The following USP16 variants were observed in gnomAD, a reference collection of about 807,000 sequenced individuals.
USP16 encodes ubiquitin carboxyl-terminal hydrolase 16.
Under a neutral mutation model 95.9 loss-of-function variants are expected in USP16, and 77 were observed. The observed-to-expected ratio is 0.80, with a 90% CI of 0.67 to 0.97. The LOEUF (loss-of-function observed/expected upper bound fraction) is 0.97, where lower values mean the gene tolerates loss of function less well. Among genes scored for constraint, USP16 ranks in the 50% least tolerant of loss-of-function variants. The pLI is 0.00. For missense variants in USP16, 943 were observed against 959.9 expected (o/e 0.98, Z 0.23); for synonymous variants, 303 against 318.2 (o/e 0.95, Z 0.51).
rs576860636 is a variant in USP16 at position 29,039,678 on chromosome 21, A to C, written c.951+110A>C. The C allele has an allele frequency of 1.2e-5, 13 of 1,101,490 alleles. No homozygotes were observed. The African/African-American group carries it at 1.9e-4, about 16-fold the overall frequency. The allele number at this position is 1,101,490 out of a possible 1,614,324, so 68.2% of individuals were successfully genotyped here. On this transcript the variant is annotated intron_variant, in intron 9 of 17. Coordinates refer to ENST00000399976, the MANE Select transcript of USP16 (RefSeq NM_006447.3). ...GAAAGCTAGTTATTAAGGCCATCAT[A>C]CTTTAAAATTTTTTCTTACACCAGC... is the stretch of plus-strand genomic sequence containing the variant.
At chr21:29,043,118 A>T (rs1022150487) in intron 12 of USP16, 2 of 179,542 alleles carry the variant, frequency 1.1e-5, no homozygotes, top group African/African-American at 4.7e-5. Context: ...TAGAAAATGT[A>T]TTTGGAAATG....
intron 3 of USP16, among the ~76,000 whole-genome samples, chr21:29,033,394 A>C (rs1296947585): frequency 6.6e-6 from 1 of 152,260 alleles, no homozygotes; most frequent in Non-Finnish European, 1.5e-5. Flanking sequence ...ATAGTTAAGG[A>C]ATTAGAAATT....
intron 1 of USP16, chr21:29,025,012 C>T (rs914040246): frequency 6.1e-6 from 2 of 326,880 alleles, no homozygotes; most frequent in Non-Finnish European, 1.1e-5. Flanking sequence ...CCCAGAGGTT[C>T]CCCCGTGGGA....
intron 4 of USP16, 149 bp downstream of exon 4, chr21:29,035,089 T>A: frequency 1.4e-6 from 1 of 697,886 alleles, no homozygotes; most frequent in Non-Finnish European, 2.3e-6. Flanking sequence ...AAGAATGCAG[T>A]ATTATGAGAA....
rs192133835 is a variant in USP16, at chr21:29,029,025, C to T, written c.61+1051C>T. On this transcript the variant is annotated intron_variant, in intron 2 of 17. Transcript: ENST00000399976. ...GAAATGTTTTACTAATTTCCAGGCC[C>T]CCTATTAGCGTAGTAAAGTGCCCAT... is the stretch of plus-strand genomic sequence containing the variant. 8.5e-5 allele frequency among the ~76,000 whole-genome samples: 13 copies of T among 152,316 alleles called. No individual in the cohort carries two copies. The East Asian group carries it at 2.5e-3, about 29-fold the overall frequency.
At chr21:29,047,344 A>G in intron 14 of USP16, 23 bp downstream of exon 14, 3 of 1,578,196 alleles carry the variant, frequency 1.9e-6, no homozygotes, top group Non-Finnish European at 2.6e-6. Flanking sequence ...TCTCACTGTA[A>G]GTAAAATTAA....
At chr21:29,035,506 T>C (rs892062448) in intron 4 of USP16, among the ~76,000 whole-genome samples, 1 of 151,434 alleles carries the variant, frequency 6.6e-6, no homozygotes, top group Non-Finnish European at 1.5e-5. Flanking sequence ...CCCGAGTAGC[T>C]GAGATTACAG....
chr21:29,053,984 A>G (rs767301772), intron 17 of USP16, 26 bp downstream of exon 17: 2 of 1,613,426 alleles, frequency 1.2e-6, no homozygotes, highest in Non-Finnish European at 1.7e-6. Context: ...AAATTCAGGC[A>G]CTCAGCAGAT....
chr21:29,039,161 G>A lies in USP16; in HGVS notation c.863+5G>A. The A allele has an allele frequency of 1.3e-6, 2 of 1,519,272 alleles. No homozygotes were observed. Among genetic ancestry groups the A allele is most frequent in the Non-Finnish European group, 1.8e-6 (2 of 1,130,464 alleles). The allele number at this position is 1,519,272 out of a possible 1,614,324, so 94.1% of individuals were successfully genotyped here. ...CTTTTCTCAGGTCTGTAAAAAGTGA[G>A]TATCCACTTCGATTGTGCTTTCAGT... On this transcript the variant is annotated splice_donor_5th_base_variant and intron_variant, in intron 8 of 17. Transcript: ENST00000399976.
Position 29,054,281 on chromosome 21 carries a change from TA to T in USP16, c.*96del. 7.2e-7 allele frequency: 1 copy of T among 1,382,378 alleles called. No individual in the cohort carries two copies. The highest frequency in any genetic ancestry group is 1.3e-5 in the South Asian group (1 of 74,818). The allele number at this position is 1,382,378 out of a possible 1,614,324, so 85.6% of individuals were successfully genotyped here. On this transcript the variant is annotated 3_prime_UTR_variant, in exon 18 of 18. Transcript: ENST00000399976. ...AAGACTAATTAAAATCATGTTCACT[TA>T]ACATTAAATACATGCCAGAAGAAAT...
chr21:29,052,093 A>C (rs2085424097), intron 16 of USP16: 2 of 152,098 alleles, frequency 1.3e-5, no homozygotes, highest in African/African-American at 4.8e-5. Flanking sequence ...CCCAAACTTT[A>C]ATGTGTATGT....
intron 14 of USP16, 118 bp from the exon 15 acceptor site, chr21:29,048,643 C>T: frequency 2.7e-6 from 2 of 742,306 alleles, no homozygotes; most frequent in Non-Finnish European, 4.3e-6. Flanking sequence ...TCTAGTACTT[C>T]ATAGAAAAAG....
At chr21:29,028,112 AT>A in intron 2 of USP16, 138 bp downstream of exon 2, 1 of 669,016 alleles carries the variant, frequency 1.5e-6, no homozygotes, top group Non-Finnish European at 2.4e-6. Context: ...ATGTCATTTA[AT>A]AGTCTTCTAC....
chr21:29,038,465 C>T (rs1361869832), intron 7 of USP16, 35 bp downstream of exon 7: 8 of 1,412,894 alleles, frequency 5.7e-6, no homozygotes, highest in Non-Finnish European at 8.0e-6. Flanking sequence ...CTGTAACTTT[C>T]CTCTCTGAAT....
At position 29,048,767 on chromosome 21, in the gene USP16, G is replaced by A. The variant is rs778171578; in HGVS notation, c.2018G>A (p.Arg673Lys). 8.1e-6 allele frequency: 13 copies of A among 1,612,496 alleles called. No homozygotes were observed. Among genetic ancestry groups the A allele is most frequent in the Non-Finnish European group, 1.1e-5 (13 of 1,179,270 alleles). ...AATTTCTTCTTTTCTTTAGGTGAAA[G>A]GAAGCATGTTTACACCAATGCCAAA... Reference protein sequence around the residue: ...NGPKANIKGERKHVYTNAKKQ... With the variant: ...NGPKANIKGEKKHVYTNAKKQ... The change falls in exon 15 of 18, where the codon AGG becomes AAG. Residue 673 changes from arginine to lysine, a missense_variant. Coordinates refer to ENST00000399976, the MANE Select transcript of USP16 (RefSeq NM_006447.3).
chr21:29,048,911 A>AT, intron 15 of USP16, 56 bp downstream of exon 15: 1 of 1,281,930 alleles, frequency 7.8e-7, no homozygotes, highest in Non-Finnish European at 1.1e-6. Context: ...TTTATTACCT[A>AT]TTTTTTTCAT....
At chr21:29,034,670 A>T (rs544774068) in intron 3 of USP16, among the ~76,000 whole-genome samples, 167 bp from the exon 4 acceptor site, 1 of 152,344 alleles carries the variant, frequency 6.6e-6, no homozygotes, top group South Asian at 2.1e-4. Flanking sequence ...TTGCCTGTGC[A>T]TATGTAAGTT....
intron 13 of USP16, among the ~76,000 whole-genome samples, chr21:29,045,347 C>T (rs1014527767): frequency 1.3e-5 from 2 of 152,226 alleles, no homozygotes; most frequent in Admixed American, 6.5e-5. Context: ...ATTTCAGTAA[C>T]AGGAATCTTG....
rs370943105 is a variant in USP16 at position 29,048,754 on chromosome 21, T to A, written c.2012-7T>A. 43 of 1,610,840 alleles carry A rather than the reference T, an allele frequency of 2.7e-5. No individual in the cohort carries two copies. Among genetic ancestry groups the A allele is most frequent in the Non-Finnish European group, 3.1e-5 (37 of 1,178,678 alleles). On this transcript the variant is annotated splice_region_variant and splice_polypyrimidine_tract_variant and intron_variant, in intron 14 of 17. Transcript: ENST00000399976. ...TCTCCCTGTTAAAAATTTCTTCTTT[T>A]CTTTAGGTGAAAGGAAGCATGTTTA...
Sources: gnomAD v4.1 joint callset for allele counts (sites outside exome capture counted in the v4.1 genomes callset) on GRCh38, gnomAD v4.1.1 for gene constraint, MANE v1.5 for transcripts, NCBI Gene and HGNC (gene_info 2026-07-23, HGNC 2026-07-21) for gene names.